EPHA3: variants seen among roughly 807,000 people sequenced by gnomAD.
EPHA3 encodes the protein ephrin type-A receptor 3.
EPHA3 carries 42 observed loss-of-function variants against 107.1 expected under a neutral mutation model. That is an observed-to-expected ratio of 0.39 (90% CI 0.31 to 0.51). The LOEUF is 0.51. EPHA3 is among the 20% of genes least tolerant of loss of function. The pLI is 0.78. For synonymous variants in EPHA3, 461 were observed against 424.8 expected (o/e 1.09, Z -1.05); for missense variants, 1,183 against 1,211.2 (o/e 0.98, Z 0.35).
chr3:89,474,646 A>G (rs1347078064), intron 16 of EPHA3, among the ~76,000 whole-genome samples: 1 of 152,224 alleles, frequency 6.6e-6, no homozygotes, highest in East Asian at 1.9e-4. Flanking sequence ...ATTGAAATGT[A>G]TGAGGCAGAA....
rs1709957158 is a variant in EPHA3 at position 89,450,162 on chromosome 3, T to G, written c.2497-15T>G. The G allele has an allele frequency of 6.5e-7, 1 of 1,546,156 alleles. No homozygotes were observed. Among genetic ancestry groups the G allele is most frequent in the Non-Finnish European group, 8.7e-7 (1 of 1,143,674 alleles). On this transcript the variant is annotated splice_polypyrimidine_tract_variant and intron_variant, in intron 14 of 16. Transcript: ENST00000336596. ...GAAAACTTCCTGGTTCCTGAAAACT[T>G]TGCTTCTCACACAGGTAATTAAAGC...
chr3:89,334,404 C>T (rs543484477), intron 3 of EPHA3, among the ~76,000 whole-genome samples: 1 of 152,176 alleles, frequency 6.6e-6, no homozygotes, highest in Non-Finnish European at 1.5e-5. Context: ...CAGTGATGAA[C>T]ATGAAGTTAA....
intron 3 of EPHA3, among the ~76,000 whole-genome samples, chr3:89,256,626 C>G (rs1705292566): frequency 1.3e-5 from 2 of 151,844 alleles, no homozygotes; most frequent in Non-Finnish European, 2.9e-5. Flanking sequence ...ATTCTATGGT[C>G]TAGTCCTCTA....
At chr3:89,383,235 T>TATAAC (rs1161096474) in intron 5 of EPHA3, among the ~76,000 whole-genome samples, 1 of 152,192 alleles carries the variant, frequency 6.6e-6, no homozygotes, top group African/African-American at 2.4e-5. Flanking sequence ...AGTGTCTGAA[T>TATAAC]ATAACATAAC....
chr3:89,391,567 A>G (rs1263743844), intron 5 of EPHA3, among the ~76,000 whole-genome samples: 1 of 150,740 alleles, frequency 6.6e-6, no homozygotes, highest in East Asian at 1.9e-4. Flanking sequence ...AGCTGGGACT[A>G]TAGGTGCCCG....
At chr3:89,209,077 C>A (rs989186683) in intron 2 of EPHA3, among the ~76,000 whole-genome samples, 1 of 152,152 alleles carries the variant, frequency 6.6e-6, no homozygotes, top group African/African-American at 2.4e-5. Context: ...TCTCAAAAGT[C>A]TGAATGCTTT....
intron 3 of EPHA3, among the ~76,000 whole-genome samples, chr3:89,288,951 T>C (rs887261462): frequency 6.6e-6 from 1 of 152,182 alleles, no homozygotes; most frequent in African/African-American, 2.4e-5. Flanking sequence ...AAATATCATT[T>C]ATGTATACAT....
At chr3:89,442,031 A>G (rs1411569157) in intron 13 of EPHA3, among the ~76,000 whole-genome samples, 1 of 152,192 alleles carries the variant, frequency 6.6e-6, no homozygotes, top group Non-Finnish European at 1.5e-5. Flanking sequence ...GTATCTTACT[A>G]AAATGCTTGG....
chr3:89,163,608 C>A (rs1423976038), intron 2 of EPHA3, among the ~76,000 whole-genome samples: 1 of 152,034 alleles, frequency 6.6e-6, no homozygotes, highest in East Asian at 1.9e-4. Context: ...GGGAATGAAA[C>A]TTTGTAAATA....
chr3:89,322,798 G>A (rs376484960), intron 3 of EPHA3, among the ~76,000 whole-genome samples: 24 of 152,160 alleles, frequency 1.6e-4, no homozygotes, highest in East Asian at 1.4e-3. Flanking sequence ...CATGGTAAAC[G>A]TATTAGATAT....
rs745313705 is a variant in EPHA3, at chr3:89,208,423, GAAGAAAGAAAGAAAGA to G, written c.154-1392_154-1377del. ...AAAAGGAAGGAAGGAAGGAAGGAAG[GAAGAAAGAAAGAAAGA>G]AAGAAAGAAAGAAAGAAAGAAAGAA... is the stretch of plus-strand genomic sequence containing the variant. On this transcript the variant is annotated intron_variant, in intron 2 of 16. Transcript: ENST00000336596. Among the ~76,000 whole-genome samples the G allele has an allele frequency of 1.5e-3, 57 of 37,546 alleles. 1 individual carries two copies. The East Asian group carries it at 0.027, about 17-fold the overall frequency. The allele number at this position is 37,546 out of a possible 152,430, so 24.6% of individuals were successfully genotyped here. A position where few individuals can be genotyped will look rare whatever the true frequency, so the allele number is the denominator to read the frequency against.
intron 3 of EPHA3, among the ~76,000 whole-genome samples, chr3:89,250,715 C>T (rs1332902268): frequency 1.3e-5 from 2 of 152,154 alleles, no homozygotes; most frequent in Non-Finnish European, 2.9e-5. Flanking sequence ...CATCACTGCC[C>T]ATTAGCAAGA....
In EPHA3 at chr3:89,149,028, G is replaced by A. The variant is rs148348690; in HGVS notation, c.153+21755G>A. On this transcript the variant is annotated intron_variant, in intron 2 of 16. Coordinates refer to ENST00000336596, the MANE Select transcript of EPHA3 (RefSeq NM_005233.6). ...CCATAATGCAAATTTTGAAGCCAGCGCATACCAATCAGAGATTATAGTTCT... is the reference window on the plus strand; with the variant it reads ...CCATAATGCAAATTTTGAAGCCAGCACATACCAATCAGAGATTATAGTTCT... Among the ~76,000 whole-genome samples, 318 of 151,962 alleles carry A rather than the reference G, an allele frequency of 2.1e-3. 3 individuals carry two copies. The highest frequency in any genetic ancestry group is 7.4e-3 in the African/African-American group (305 of 41,484).
Position 89,450,642 on chromosome 3 carries a change from G to A in EPHA3, c.2690+272G>A, listed in dbSNP as rs138749279. On this transcript the variant is annotated intron_variant, in intron 15 of 16. Transcript: ENST00000336596. ...GTCTTTGGGAAATAGGAATACTGGA[G>A]GGGTGCGGTGGCTCGTGCCTGTAAT... Among the ~76,000 whole-genome samples the A allele has an allele frequency of 2.5e-3, 377 of 152,140 alleles. 2 individuals carry two copies. Among genetic ancestry groups the A allele is most frequent in the African/African-American group, 8.8e-3 (365 of 41,500 alleles).
At chr3:89,162,565 T>A (rs1704975628) in intron 2 of EPHA3, among the ~76,000 whole-genome samples, 1 of 152,164 alleles carries the variant, frequency 6.6e-6, no homozygotes, top group Non-Finnish European at 1.5e-5. Flanking sequence ...TGGGTTCCCC[T>A]GAAATCAGAC....
chr3:89,273,815 A>G (rs1397553682), intron 3 of EPHA3, among the ~76,000 whole-genome samples: 1 of 151,940 alleles, frequency 6.6e-6, no homozygotes, highest in Admixed American at 6.6e-5. Context: ...TACTGCCAGA[A>G]AGGATATTTT....
At position 89,318,542 on chromosome 3, in the gene EPHA3, A is replaced by G. The variant is rs146336292; in HGVS notation, c.815-22374A>G. ...TCCTGGCCCTCAATCATTTGCACAT[A>G]ATAATCCAATAAAGTATCAAAGTTT... is the stretch of plus-strand genomic sequence containing the variant. On this transcript the variant is annotated intron_variant, in intron 3 of 16. Transcript: ENST00000336596. 1.6e-4 allele frequency among the ~76,000 whole-genome samples: 25 copies of G among 151,990 alleles called. No homozygotes were observed. In the East Asian group the frequency reaches 3.5e-3, roughly 21 times the overall value.
chr3:89,189,907 T>C (rs1309644246), intron 2 of EPHA3, among the ~76,000 whole-genome samples: 1 of 152,188 alleles, frequency 6.6e-6, no homozygotes, highest in Non-Finnish European at 1.5e-5. Flanking sequence ...CCATTTTGCA[T>C]TGAGATTTAA....
chr3:89,278,301 G>A (rs1705858626), intron 3 of EPHA3, among the ~76,000 whole-genome samples: 1 of 152,146 alleles, frequency 6.6e-6, no homozygotes, highest in African/African-American at 2.4e-5. Flanking sequence ...TGCCACAAGG[G>A]TAGCTAGAAG....
Sources: gnomAD v4.1 joint callset for allele counts (sites outside exome capture counted in the v4.1 genomes callset) on GRCh38, gnomAD v4.1.1 for gene constraint, MANE v1.5 for transcripts, NCBI Gene and HGNC (gene_info 2026-07-23, HGNC 2026-07-21) for gene names.